HFM1: variants seen among roughly 807,000 people sequenced by gnomAD.
The protein encoded by HFM1 is helicase for meiosis 1.
Under a neutral mutation model 192.1 loss-of-function variants are expected in HFM1, and 169 were observed. That is an observed-to-expected ratio of 0.88 (90% CI 0.78 to 1.00). The LOEUF is 1.00. Ranked by LOEUF, HFM1 falls within the 50% of genes least tolerant of loss-of-function variation. The pLI, the probability that HFM1 is intolerant of heterozygous loss-of-function variation, is 0.00. For missense variants in HFM1, 1,661 were observed against 1,668.0 expected (o/e 1.00, Z 0.07); for synonymous variants, 525 against 537.8 (o/e 0.98, Z 0.33).
rs753472335 is a variant in HFM1, at chr1:91,364,632, A to ATATATAT, written c.1685+10725_1685+10726insATATATA. 4.6e-3 allele frequency among the ~76,000 whole-genome samples: 307 copies of ATATATAT among 66,784 alleles called. 2 individuals carry two copies. Among genetic ancestry groups the ATATATAT allele is most frequent in the African/African-American group, 7.3e-3 (114 of 15,560 alleles). 43.8% of individuals were successfully genotyped at this position (66,784 alleles called of 152,430 possible). ...CATATATATATATATATATATATAT[A>ATATATAT]TTTTTTTTTTTTTTTTGAGACAGAG... is the stretch of plus-strand genomic sequence containing the variant. On this transcript the variant is annotated intron_variant, in intron 13 of 38. Transcript: ENST00000370425.
At chr1:91,351,048 A>T (rs762830769) in intron 17 of HFM1, among the ~76,000 whole-genome samples, 177 bp from the exon 18 acceptor site, 1 of 152,064 alleles carries the variant, frequency 6.6e-6, no homozygotes, top group Non-Finnish European at 1.5e-5. Flanking sequence ...AAAAGGCTTC[A>T]GATATACCTC....
At chr1:91,389,568 C>A (rs900173555) in intron 4 of HFM1, among the ~76,000 whole-genome samples, 7 of 152,080 alleles carry the variant, frequency 4.6e-5, no homozygotes, top group African/African-American at 1.7e-4. Flanking sequence ...CAAAGAAAAA[C>A]CATGGGAGAA....
chr1:91,342,058 T>G (rs1439715884), intron 20 of HFM1, among the ~76,000 whole-genome samples: 1 of 147,648 alleles, frequency 6.8e-6, no homozygotes, highest in Non-Finnish European at 1.5e-5. Flanking sequence ...TCCAAAAATT[T>G]GAGGAGGGAC....
chr1:91,334,754 C>T (rs1215161224), intron 20 of HFM1, among the ~76,000 whole-genome samples: 1 of 151,928 alleles, frequency 6.6e-6, no homozygotes, highest in Admixed American at 6.6e-5. Context: ...GATGGTGAAA[C>T]CCTGTCTCTA....
At chr1:91,289,441 C>T (rs1404486362) in intron 30 of HFM1, among the ~76,000 whole-genome samples, 2 of 152,180 alleles carry the variant, frequency 1.3e-5, no homozygotes, top group Non-Finnish European at 2.9e-5. Context: ...AGAGATGCTC[C>T]TCACTTCCTA....
At position 91,301,022 on chromosome 1, in the gene HFM1, A is replaced by G. The variant is rs1282961326; in HGVS notation, c.3391+12327T>C. 3.3e-5 allele frequency among the ~76,000 whole-genome samples: 5 copies of G among 151,810 alleles called. No homozygotes were observed. In the South Asian group the frequency reaches 6.2e-4, roughly 19 times the overall value. On this transcript the variant is annotated intron_variant, in intron 30 of 38. Coordinates refer to ENST00000370425, the MANE Select transcript of HFM1 (RefSeq NM_001017975.6). ...CCCTGTTTGCAGATGACATGATTGTATATCTAGAAAACCCCATCATCTCAG... is the reference window on the plus strand; with the variant it reads ...CCCTGTTTGCAGATGACATGATTGTGTATCTAGAAAACCCCATCATCTCAG...
Position 91,276,631 on chromosome 1 carries a change from C to T in HFM1, c.3585G>A (p.Leu1195=). The T allele has an allele frequency of 6.9e-7, 1 of 1,456,006 alleles. No homozygotes were observed. The highest frequency in any genetic ancestry group is 9.4e-7 in the Non-Finnish European group (1 of 1,067,666). 90.2% of individuals were successfully genotyped at this position (1,456,006 alleles called of 1,614,324 possible). ...GAAAAATGTTATTAAAACTAACCTT[C>T]AGACGTTTAACTGGAGGAACAGATG... ...AVSSVPPVKR[L]KIQMNKSQSV... The change falls in exon 32 of 39, where the codon CTG becomes CTA. Residue 1195 remains leucine (L), a synonymous_variant. Coordinates refer to ENST00000370425, the MANE Select transcript of HFM1 (RefSeq NM_001017975.6).
chr1:91,305,327 ACTT>A (rs1404417266), intron 30 of HFM1, among the ~76,000 whole-genome samples: 3 of 152,124 alleles, frequency 2.0e-5, no homozygotes, highest in African/African-American at 7.2e-5. Context: ...TTTATTTAGA[ACTT>A]CTTTAATTTA....
chr1:91,345,735 T>G (rs1656043648), intron 19 of HFM1, among the ~76,000 whole-genome samples: 1 of 152,164 alleles, frequency 6.6e-6, no homozygotes, highest in African/African-American at 2.4e-5. Flanking sequence ...CTACCTTGTC[T>G]AAAAGTCTAA....
intron 29 of HFM1, 88 bp from the exon 30 acceptor site, chr1:91,313,583 T>G (rs997104661): frequency 2.3e-6 from 2 of 877,586 alleles, no homozygotes; most frequent in Non-Finnish European, 3.3e-6. Context: ...CTCTCTTACA[T>G]TTTTATAACT....
At chr1:91,275,795 C>A (rs1393540802) in intron 32 of HFM1, among the ~76,000 whole-genome samples, 2 of 152,188 alleles carry the variant, frequency 1.3e-5, no homozygotes, top group Non-Finnish European at 2.9e-5. Context: ...CCTAATGAGT[C>A]CCTTTGTTCC....
chr1:91,311,859 T>A (rs758757186), intron 30 of HFM1, among the ~76,000 whole-genome samples: 1 of 152,144 alleles, frequency 6.6e-6, no homozygotes, highest in Non-Finnish European at 1.5e-5. Context: ...TTTCATGGGC[T>A]GGGCCCAGGT....
chr1:91,364,237 T>TG (rs1557452680), intron 13 of HFM1, among the ~76,000 whole-genome samples: 1 of 151,692 alleles, frequency 6.6e-6, no homozygotes, highest in Non-Finnish European at 1.5e-5. Flanking sequence ...GAAAAGGTGT[T>TG]GAACATCACT....
Position 91,271,834 on chromosome 1 carries a change from C to A in HFM1, c.3772+1878G>T, listed in dbSNP as rs139138977. Among the ~76,000 whole-genome samples, 5 of 152,160 alleles carry A rather than the reference C, an allele frequency of 3.3e-5. No homozygotes were observed. The East Asian group carries it at 9.6e-4, about 29-fold the overall frequency. Reference sequence around the variant, plus strand: ...TTCATTTTATAGAAATGGCATTGGGCTGGGAATCAAAAGATATGGAATCTT... The same window carrying A: ...TTCATTTTATAGAAATGGCATTGGGATGGGAATCAAAAGATATGGAATCTT... On this transcript the variant is annotated intron_variant, in intron 34 of 38. Coordinates refer to ENST00000370425, the MANE Select transcript of HFM1 (RefSeq NM_001017975.6).
At position 91,380,163 on chromosome 1, in the gene HFM1, G is replaced by C. The variant is rs1262263301; in HGVS notation, c.947C>G (p.Ala316Gly). The change falls in exon 8 of 39, where the codon GCT becomes GGT. Residue 316 changes from alanine (A) to glycine (G), a missense_variant. By Grantham distance (60) the Ala-to-Gly change is moderately conservative. Coordinates refer to ENST00000370425, the MANE Select transcript of HFM1 (RefSeq NM_001017975.6). ...GSGKTVVFEL[A>G]ITRLLMEVPL... ...TACTTCCATTAACAATCTTGTTATA[G>C]CTAGTTCAAACACTACAGTTTTTCC... 6.5e-7 allele frequency: 1 copy of C among 1,526,918 alleles called. No individual in the cohort carries two copies. The allele number at this position is 1,526,918 out of a possible 1,614,324, so 94.6% of individuals were successfully genotyped here. A position where few individuals can be genotyped will look rare whatever the true frequency, so the allele number is the denominator to read the frequency against.
chr1:91,291,749 A>G (rs1426819098), intron 30 of HFM1, among the ~76,000 whole-genome samples: 1 of 151,942 alleles, frequency 6.6e-6, no homozygotes, highest in African/African-American at 2.4e-5. Context: ...GACACAACCA[A>G]AAAAGAGAAT....
intron 3 of HFM1, among the ~76,000 whole-genome samples, chr1:91,395,707 A>G (rs552080923): frequency 6.6e-6 from 1 of 152,242 alleles, no homozygotes; most frequent in East Asian, 1.9e-4. Context: ...ACGAGTATAC[A>G]TATTTTGGGG....
intron 30 of HFM1, among the ~76,000 whole-genome samples, chr1:91,278,586 T>C (rs967368362): frequency 6.6e-5 from 10 of 152,208 alleles, no homozygotes; most frequent in South Asian, 2.1e-4. Flanking sequence ...CATTTCTTGG[T>C]ACTTTACTCT....
At chr1:91,276,417 GCT>G (rs1666814887) in intron 32 of HFM1, among the ~76,000 whole-genome samples, 1 of 151,998 alleles carries the variant, frequency 6.6e-6, no homozygotes, top group Non-Finnish European at 1.5e-5. Context: ...TATTCTTGGT[GCT>G]CAAAGAAGAT....
Sources: allele counts gnomAD v4.1 joint callset (sites outside exome capture counted in the v4.1 genomes callset), GRCh38; gene constraint gnomAD v4.1.1; transcripts MANE v1.5; gene names NCBI Gene and HGNC (gene_info 2026-07-23, HGNC 2026-07-21).